Variants in MAML3 observed in about 807,000 individuals in gnomAD.
The protein encoded by MAML3 is mastermind like transcriptional coactivator 3.
A neutral mutation model predicts 101.9 loss-of-function variants in MAML3; 27 were observed. The observed-to-expected ratio is 0.27, with a 90% confidence interval of 0.20 to 0.37. The LOEUF is 0.37. Among genes scored for constraint, MAML3 ranks in the 10% least tolerant of loss-of-function variants. The probability of loss-of-function intolerance (pLI) is 1.00; values close to 1 mark genes in which losing one functional copy is unlikely to be tolerated. For synonymous variants in MAML3, 501 were observed against 555.9 expected, an observed-to-expected ratio of 0.90 and a Z score of 1.39; for missense variants, 1,316 against 1,444.9, an observed-to-expected ratio of 0.91 and a Z score of 1.45.
intron 1 of MAML3, among the ~76,000 whole-genome samples, chr4:140,090,857 C>G (rs541980892): frequency 7.2e-5 from 11 of 152,220 alleles, no homozygotes; most frequent in African/African-American, 2.4e-4. Context: ...TTGAGACCAG[C>G]CTGGCAAACA....
chr4:139,974,293 G>C (rs995308399), intron 1 of MAML3, among the ~76,000 whole-genome samples: 1 of 151,940 alleles, frequency 6.6e-6, no homozygotes, highest in African/African-American at 2.4e-5. Flanking sequence ...TTTTAGCAGA[G>C]ACAGGGTTTC....
intron 1 of MAML3, among the ~76,000 whole-genome samples, chr4:139,955,949 G>A (rs913192172): frequency 6.6e-6 from 1 of 152,170 alleles, no homozygotes; most frequent in African/African-American, 2.4e-5. Flanking sequence ...AACGTGAATT[G>A]GAAATATAGA....
chr4:139,961,354 G>A (rs141680567), intron 1 of MAML3, among the ~76,000 whole-genome samples: 14 of 152,344 alleles, frequency 9.2e-5, no homozygotes, highest in African/African-American at 3.4e-4. Context: ...ACAGAAAGAG[G>A]TGTTTTCACC....
chr4:140,050,724 G>A (rs965233325), intron 1 of MAML3, among the ~76,000 whole-genome samples: 1 of 152,114 alleles, frequency 6.6e-6, no homozygotes, highest in Non-Finnish European at 1.5e-5. Context: ...AATACAACAC[G>A]CTGTCAATCT....
intron 2 of MAML3, among the ~76,000 whole-genome samples, chr4:139,748,473 A>G (rs1250768717): frequency 6.6e-6 from 1 of 152,220 alleles, no homozygotes; most frequent in Non-Finnish European, 1.5e-5. Flanking sequence ...ATCAAAACGT[A>G]CAACAAGGGG....
intron 1 of MAML3, among the ~76,000 whole-genome samples, chr4:139,913,635 A>C (rs1359427171): frequency 6.6e-6 from 1 of 152,184 alleles, no homozygotes; most frequent in African/African-American, 2.4e-5. Context: ...TGGCTGTGAG[A>C]GCAAAAGAAC....
At chr4:140,078,348 A>T (rs1414276274) in intron 1 of MAML3, among the ~76,000 whole-genome samples, 1 of 152,218 alleles carries the variant, frequency 6.6e-6, no homozygotes, top group Non-Finnish European at 1.5e-5. Flanking sequence ...TAGAAATGGG[A>T]GAATGCTAGA....
Position 139,719,661 on chromosome 4 carries a change from C to A in MAML3, c.3079G>T (p.Gly1027Cys), listed in dbSNP as rs771255074. The change falls in exon 5 of 5, where the codon GGT becomes TGT. Residue 1027 changes from glycine to cysteine, a missense_variant. Transcript: ENST00000509479. ...TVRTLNPAAM[G>C]RQMMPSLPGQ... is the part of the protein sequence containing the mutation. ...GGGAGCGATGGCATCATCTGCCGAC[C>A]CATGGCAGCTGGGTTGAGGGTCCTC... 18 of 1,613,024 alleles carry A rather than the reference C, an allele frequency of 1.1e-5. No homozygotes were observed. The highest frequency in any genetic ancestry group is 6.8e-6 in the Non-Finnish European group (8 of 1,179,592).
intron 1 of MAML3, among the ~76,000 whole-genome samples, chr4:139,967,712 G>T (rs533747038): frequency 4.0e-4 from 61 of 152,240 alleles, no homozygotes; most frequent in Middle Eastern, 3.4e-3. Context: ...GATTCTGGTT[G>T]GCACAGGTTT....
chr4:139,740,100 C>T (rs1247578736), intron 2 of MAML3: 3 of 152,160 alleles, frequency 2.0e-5, no homozygotes, highest in African/African-American at 4.8e-5. Flanking sequence ...ACAAAGAGCT[C>T]CTAAGTCCCA....
intron 1 of MAML3, among the ~76,000 whole-genome samples, chr4:139,980,181 G>A (rs750625748): frequency 1.3e-5 from 2 of 152,140 alleles, no homozygotes; most frequent in Non-Finnish European, 2.9e-5. Flanking sequence ...AGGGCTTGAG[G>A]CCTGGCTTCT....
chr4:140,108,406 T>C (rs1307556711), intron 1 of MAML3, among the ~76,000 whole-genome samples: 2 of 151,838 alleles, frequency 1.3e-5, no homozygotes, highest in Non-Finnish European at 2.9e-5. Context: ...AGCTCCCTGA[T>C]GGCAAGGCTG....
At chr4:139,830,660 C>T (rs907626535) in intron 2 of MAML3, among the ~76,000 whole-genome samples, 6 of 151,888 alleles carry the variant, frequency 4.0e-5, no homozygotes, top group Non-Finnish European at 7.4e-5. Flanking sequence ...GTGATCCGCC[C>T]GCCTCGGCCT....
chr4:139,800,208 T>C (rs1730580246), intron 2 of MAML3, among the ~76,000 whole-genome samples: 2 of 152,198 alleles, frequency 1.3e-5, no homozygotes, highest in Non-Finnish European at 2.9e-5. Context: ...GAATGTTCCC[T>C]GGTAAACGTT....
At chr4:140,065,811 C>A (rs1397431181) in intron 1 of MAML3, among the ~76,000 whole-genome samples, 3 of 152,150 alleles carry the variant, frequency 2.0e-5, no homozygotes, top group African/African-American at 7.2e-5. Flanking sequence ...TTCCTCTGCC[C>A]AGCCCACCTC....
chr4:139,944,546 A>G (rs900997896), intron 1 of MAML3, among the ~76,000 whole-genome samples: 1 of 152,190 alleles, frequency 6.6e-6, no homozygotes, highest in Non-Finnish European at 1.5e-5. Context: ...TCCATGGTGT[A>G]TATGTGCCAC....
chr4:139,747,551 G>A (rs888343988), intron 2 of MAML3, among the ~76,000 whole-genome samples: 3 of 151,998 alleles, frequency 2.0e-5, no homozygotes, highest in African/African-American at 4.8e-5. Flanking sequence ...AAAATTAGCC[G>A]GCTGTGGTGG....
intron 1 of MAML3, among the ~76,000 whole-genome samples, chr4:139,992,290 T>C (rs1037544602): frequency 3.3e-5 from 5 of 152,194 alleles, no homozygotes; most frequent in Non-Finnish European, 5.9e-5. Context: ...ATGATTCTGT[T>C]ATGAACATTT....
At chr4:139,745,601 C>T (rs1414279504) in intron 2 of MAML3, among the ~76,000 whole-genome samples, 1 of 152,198 alleles carries the variant, frequency 6.6e-6, no homozygotes, top group African/African-American at 2.4e-5. Flanking sequence ...CCCACCTCCT[C>T]CCACTCATTT....
Sources: gnomAD v4.1 joint callset for allele counts (sites outside exome capture counted in the v4.1 genomes callset) on GRCh38, gnomAD v4.1.1 for gene constraint, MANE v1.5 for transcripts, NCBI Gene and HGNC (gene_info 2026-07-23, HGNC 2026-07-21) for gene names.